The following ZNF638 variants were observed in gnomAD, a reference collection of about 807,000 sequenced individuals.
The protein encoded by ZNF638 is CTCL tumor antigen se33-1.
Under a neutral mutation model 195.6 loss-of-function variants are expected in ZNF638, and 46 were observed. The ratio of observed to expected loss-of-function variants is 0.24; its 90% confidence interval spans 0.19 to 0.30. The LOEUF (loss-of-function observed/expected upper bound fraction) is 0.30. Ranked by LOEUF, ZNF638 falls within the 10% of genes least tolerant of loss-of-function variation. The pLI is 1.00. For synonymous variants in ZNF638, 845 were observed against 772.0 expected (o/e 1.09, Z -1.57); for missense variants, 2,440 against 2,325.3 (o/e 1.05, Z -1.01).
intron 8 of ZNF638, among the ~76,000 whole-genome samples, chr2:71,370,936 T>G (rs2079299587): frequency 6.6e-6 from 1 of 152,032 alleles, no homozygotes; most frequent in Non-Finnish European, 1.5e-5. Context: ...CTCATTCTGT[T>G]TTTTTTTGGT....
At chr2:71,345,147 C>T (rs1265451100) in intron 1 of ZNF638, among the ~76,000 whole-genome samples, 2 of 152,108 alleles carry the variant, frequency 1.3e-5, no homozygotes, top group Non-Finnish European at 2.9e-5. Context: ...TAATCTCTTA[C>T]TGTAGCTGAT....
intron 13 of ZNF638, 101 bp from the exon 14 acceptor site, chr2:71,400,011 G>GCTTA: frequency 1.1e-6 from 1 of 938,040 alleles, no homozygotes; most frequent in Non-Finnish European, 1.6e-6. Context: ...GTCAGCCTAA[G>GCTTA]GAGACTTGAA....
At chr2:71,410,990 C>CA (rs1207162070) in intron 20 of ZNF638, among the ~76,000 whole-genome samples, 8 of 74,436 alleles carry the variant, frequency 1.1e-4, no homozygotes, top group Non-Finnish European at 2.1e-4. Context: ...ACCTCCCCCC[C>CA]CCTTTTTTTT....
intron 21 of ZNF638, among the ~76,000 whole-genome samples, chr2:71,420,513 G>C (rs115870171): frequency 6.6e-6 from 1 of 152,298 alleles, no homozygotes; most frequent in Non-Finnish European, 1.5e-5. Flanking sequence ...AGGTTTCTCA[G>C]AATGTTTGTC....
At chr2:71,421,589 A>G (rs1305996067) in intron 21 of ZNF638, among the ~76,000 whole-genome samples, 1 of 152,170 alleles carries the variant, frequency 6.6e-6, no homozygotes, top group East Asian at 1.9e-4. Flanking sequence ...CAGCACACAG[A>G]TATACACCAT....
intron 1 of ZNF638, among the ~76,000 whole-genome samples, chr2:71,338,691 T>A (rs1380890133): frequency 6.6e-6 from 1 of 152,222 alleles, no homozygotes; most frequent in Non-Finnish European, 1.5e-5. Context: ...ACACTCGGGG[T>A]GTGGCCTCCT....
In ZNF638 at chr2:71,388,976, T is replaced by C. The variant is rs145333096; in HGVS notation, c.2378-7165T>C. Reference sequence around the variant, plus strand: ...AGCTCTGGGAATAAGTGGGGAGAAATCTTAAACAATACCATAAACAAGGGC... The same window carrying C: ...AGCTCTGGGAATAAGTGGGGAGAAACCTTAAACAATACCATAAACAAGGGC... On this transcript the variant is annotated intron_variant, in intron 10 of 27. Transcript: ENST00000264447. Among the ~76,000 whole-genome samples, 23 of 152,028 alleles carry C rather than the reference T, an allele frequency of 1.5e-4. 1 individual carries two copies. The South Asian group carries it at 2.1e-3, about 14-fold the overall frequency.
Position 71,380,544 on chromosome 2 carries a change from ATTG to A in ZNF638, c.2359_2361del (p.Val787del). On this transcript the variant is annotated inframe_deletion, in exon 10 of 28. Transcript: ENST00000264447. ...TGCAGATGCTTCAAAAGCTGTTGAA[ATTG>A]TTACTTCAACTTCTGCTGGTAAGTT... 1 of 1,604,084 alleles carries A rather than the reference ATTG, an allele frequency of 6.2e-7. No individual in the cohort carries two copies. Among genetic ancestry groups the A allele is most frequent in the South Asian group, 1.1e-5 (1 of 88,852 alleles).
chr2:71,363,552 G>T (rs1380872331), intron 4 of ZNF638, among the ~76,000 whole-genome samples: 1 of 152,120 alleles, frequency 6.6e-6, no homozygotes, highest in African/African-American at 2.4e-5. Context: ...AGAAATCAAA[G>T]TCATATTTAT....
chr2:71,401,689 A>AT (rs1558870459), intron 15 of ZNF638, among the ~76,000 whole-genome samples: 7 of 152,084 alleles, frequency 4.6e-5, no homozygotes. Context: ...TAAAAAAAAA[A>AT]AACAGTGGGT....
intron 5 of ZNF638, 149 bp from the exon 6 acceptor site, chr2:71,365,280 A>G: frequency 1.6e-6 from 1 of 620,706 alleles, no homozygotes. Context: ...AACTTCATGT[A>G]AAAGCCTTCT....
intron 1 of ZNF638, among the ~76,000 whole-genome samples, chr2:71,342,131 G>A (rs2078771381): frequency 6.8e-6 from 1 of 147,164 alleles, no homozygotes; most frequent in African/African-American, 2.6e-5. Flanking sequence ...TGAGGCAGGA[G>A]AATCGCTTGA....
chr2:71,358,171 T>A (rs1177968337), intron 3 of ZNF638, among the ~76,000 whole-genome samples: 4 of 152,196 alleles, frequency 2.6e-5, no homozygotes, highest in Non-Finnish European at 5.9e-5. Context: ...TAAACCTCCC[T>A]ATGCCCTGCT....
intron 8 of ZNF638, among the ~76,000 whole-genome samples, chr2:71,372,158 G>T (rs1214778869): frequency 6.6e-6 from 1 of 152,074 alleles, no homozygotes; most frequent in Non-Finnish European, 1.5e-5. Context: ...TACCTCCCTA[G>T]GTTACATGCC....
chr2:71,396,861 C>T (rs1472175196), intron 11 of ZNF638, among the ~76,000 whole-genome samples: 5 of 152,128 alleles, frequency 3.3e-5, no homozygotes, highest in African/African-American at 9.7e-5. Flanking sequence ...GCAGGAGAAT[C>T]GCTTGAACCC....
rs2104439389 is a variant in ZNF638 at position 71,404,007 on chromosome 2, G to T, written c.2958+9G>T. ...TGAATATAAAAGATGAGGTAAATCAGACCACCATTTTTACTAGCTCTTACT... is the reference window on the plus strand; with the variant it reads ...TGAATATAAAAGATGAGGTAAATCATACCACCATTTTTACTAGCTCTTACT... On this transcript the variant is annotated intron_variant, in intron 17 of 27. Transcript: ENST00000264447. The T allele has an allele frequency of 6.3e-7, 1 of 1,598,538 alleles. No homozygotes were observed. The highest frequency in any genetic ancestry group is 1.1e-5 in the South Asian group (1 of 87,566).
Position 71,428,389 on chromosome 2 carries a change from T to G in ZNF638, c.5546-158T>G. The G allele has an allele frequency of 1.8e-5, 9 of 507,468 alleles. No homozygotes were observed. In the South Asian group the frequency reaches 2.8e-4, roughly 16 times the overall value. 31.4% of individuals were successfully genotyped at this position (507,468 alleles called of 1,614,324 possible). A position where few individuals can be genotyped will look rare whatever the true frequency, so the allele number is the denominator to read the frequency against. On this transcript the variant is annotated intron_variant, in intron 24 of 27. Coordinates refer to ENST00000264447, the MANE Select transcript of ZNF638 (RefSeq NM_014497.5). ...TTAGATTAAACTGATTATTTTAAAA[T>G]AGAATTCTTCTATTTTATATTAGCA... is the stretch of plus-strand genomic sequence containing the variant.
chr2:71,367,764 T>C (rs1336741463), intron 6 of ZNF638, among the ~76,000 whole-genome samples: 1 of 145,110 alleles, frequency 6.9e-6, no homozygotes, highest in African/African-American at 2.5e-5. Context: ...AAATATAGAG[T>C]CTTAGTATGT....
intron 2 of ZNF638, among the ~76,000 whole-genome samples, chr2:71,351,990 A>C (rs1164977063): frequency 6.6e-6 from 1 of 152,210 alleles, no homozygotes; most frequent in Non-Finnish European, 1.5e-5. Context: ...TTGTATTTGT[A>C]ACAGTATGTG....
Sources: allele counts gnomAD v4.1 joint callset (sites outside exome capture counted in the v4.1 genomes callset), GRCh38; gene constraint gnomAD v4.1.1; transcripts MANE v1.5; gene names NCBI Gene and HGNC (gene_info 2026-07-23, HGNC 2026-07-21).